Variants in MGMT observed in about 807,000 individuals in gnomAD.
MGMT encodes the protein O-6-methylguanine-DNA methyltransferase.
Under a neutral mutation model 15.9 loss-of-function variants are expected in MGMT, and 14 were observed. That is an observed-to-expected ratio of 0.88 (90% CI 0.58 to 1.37). MGMT has a LOEUF of 1.37. MGMT is among the 40% of genes most tolerant of loss of function. The pLI, the probability that MGMT is intolerant of heterozygous loss-of-function variation, is 0.00. For synonymous variants in MGMT, 130 were observed against 118.2 expected (o/e 1.10, Z -0.65); for missense variants, 282 against 268.1 (o/e 1.05, Z -0.36).
At chr10:129,726,019 G>T (rs2094291) in intron 3 of MGMT, among the ~76,000 whole-genome samples, 1 of 151,764 alleles carries the variant, frequency 6.6e-6, no homozygotes, top group Admixed American at 6.6e-5. Flanking sequence ...CTTGGGAGAG[G>T]AGTGTGTTCT....
chr10:129,560,994 T>TGTGC (rs1846271340), intron 2 of MGMT, among the ~76,000 whole-genome samples: 1 of 148,750 alleles, frequency 6.7e-6, no homozygotes, highest in African/African-American at 2.6e-5. Context: ...TGTGTGTGTG[T>TGTGC]GTGTTCCTTT....
intron 1 of MGMT, among the ~76,000 whole-genome samples, chr10:129,527,705 G>A (rs981879769): frequency 1.1e-4 from 16 of 152,020 alleles, no homozygotes; most frequent in African/African-American, 3.9e-4. Flanking sequence ...CCTCCCAGAC[G>A]CCTCTCCCTG....
At chr10:129,537,164 A>G (rs958640980) in intron 2 of MGMT, 1 of 151,906 alleles carries the variant, frequency 6.6e-6, no homozygotes, top group Non-Finnish European at 1.5e-5. Flanking sequence ...GAAAAAAAAA[A>G]CACCCACTCC....
chr10:129,583,903 G>A (rs1846587523), intron 2 of MGMT, among the ~76,000 whole-genome samples: 1 of 152,186 alleles, frequency 6.6e-6, no homozygotes, highest in African/African-American at 2.4e-5. Flanking sequence ...CAGTCTATGT[G>A]TGGGTGCCTT....
intron 3 of MGMT, among the ~76,000 whole-genome samples, chr10:129,711,753 T>C (rs1001144627): frequency 2.0e-5 from 3 of 152,202 alleles, no homozygotes; most frequent in African/African-American, 7.2e-5. Flanking sequence ...CGTAGCTTTT[T>C]AAGGAGGTAA....
chr10:129,620,885 C>G (rs58151401), intron 2 of MGMT, among the ~76,000 whole-genome samples: 14,013 of 152,052 alleles, frequency 0.092, 849 homozygotes, highest in East Asian at 0.31. Context: ...TAATTCCCTG[C>G]CTTCTTTTGG....
intron 2 of MGMT, among the ~76,000 whole-genome samples, chr10:129,600,739 A>G (rs1021614828): frequency 7.9e-5 from 12 of 152,212 alleles, no homozygotes; most frequent in Admixed American, 2.6e-4. Flanking sequence ...GGAATTGGCT[A>G]TGACCTGCCG....
intron 2 of MGMT, among the ~76,000 whole-genome samples, chr10:129,678,221 A>G (rs1353875722): frequency 6.6e-6 from 1 of 152,168 alleles, no homozygotes; most frequent in African/African-American, 2.4e-5. Flanking sequence ...GCCTGGAGTG[A>G]TGAGTACTGT....
intron 2 of MGMT, among the ~76,000 whole-genome samples, chr10:129,548,882 G>T (rs1232761776): frequency 6.6e-6 from 1 of 152,236 alleles, no homozygotes. Context: ...TCCAGGCCCT[G>T]CAGGATCCTG....
At chr10:129,490,497 A>G (rs1381453349) in intron 1 of MGMT, among the ~76,000 whole-genome samples, 2 of 1,250 alleles carry the variant, frequency 1.6e-3, no homozygotes, top group Non-Finnish European at 6.5e-3. Context: ...TTTATTCTTT[A>G]TTGTTATTAA....
chr10:129,523,184 G>A (rs1845831577), intron 1 of MGMT, among the ~76,000 whole-genome samples: 1 of 152,246 alleles, frequency 6.6e-6, no homozygotes, highest in South Asian at 2.1e-4. Context: ...TGCTGGTGGG[G>A]TGAGATGTGC....
intron 3 of MGMT, among the ~76,000 whole-genome samples, chr10:129,710,239 C>T (rs1015566162): frequency 2.6e-5 from 4 of 152,200 alleles, no homozygotes; most frequent in African/African-American, 9.6e-5. Context: ...CCCCCGTGGC[C>T]CTGCCCCTCT....
chr10:129,602,782 A>G (rs1038974590), intron 2 of MGMT, among the ~76,000 whole-genome samples: 3 of 151,852 alleles, frequency 2.0e-5, no homozygotes, highest in African/African-American at 7.3e-5. Flanking sequence ...TGAACTTTTT[A>G]CCATGATCGA....
chr10:129,575,807 A>G (rs1386618543), intron 2 of MGMT, among the ~76,000 whole-genome samples: 2 of 150,372 alleles, frequency 1.3e-5, no homozygotes, highest in Non-Finnish European at 3.0e-5. Context: ...TAAAGAAGAA[A>G]AGAGAGAAGA....
At chr10:129,654,095 G>T (rs184880585) in intron 2 of MGMT, among the ~76,000 whole-genome samples, 2 of 152,320 alleles carry the variant, frequency 1.3e-5, no homozygotes, top group East Asian at 1.9e-4. Context: ...GTCTGTCCTT[G>T]CCCACCTCGG....
At chr10:129,578,322 G>T (rs188770509) in intron 2 of MGMT, among the ~76,000 whole-genome samples, 15 of 152,070 alleles carry the variant, frequency 9.9e-5, no homozygotes, top group African/African-American at 3.4e-4. Context: ...AGAAAATGTG[G>T]CACATATACA....
intron 2 of MGMT, among the ~76,000 whole-genome samples, chr10:129,576,063 A>T (rs1406618598): frequency 6.6e-6 from 1 of 152,234 alleles, no homozygotes; most frequent in East Asian, 1.9e-4. Flanking sequence ...AACCAAAAAA[A>T]GTCCAGGACC....
At chr10:129,764,357 G>A (rs968477104) in intron 4 of MGMT, among the ~76,000 whole-genome samples, 2 of 152,180 alleles carry the variant, frequency 1.3e-5, no homozygotes, top group African/African-American at 2.4e-5. Context: ...CACCTCCCTC[G>A]GGGACGTGTG....
chr10:129,740,846 G>C (rs190278211), intron 3 of MGMT, among the ~76,000 whole-genome samples: 1 of 152,194 alleles, frequency 6.6e-6, no homozygotes, highest in African/African-American at 2.4e-5. Flanking sequence ...ACTGAACCGA[G>C]CCTGGTACCT....
Sources: gnomAD v4.1 joint callset for allele counts (sites outside exome capture counted in the v4.1 genomes callset) on GRCh38, gnomAD v4.1.1 for gene constraint, MANE v1.5 for transcripts, NCBI Gene and HGNC (gene_info 2026-07-23, HGNC 2026-07-21) for gene names.